Variants in KDM5A observed in about 807,000 individuals in gnomAD.
The protein encoded by KDM5A is lysine demethylase 5A.
KDM5A carries 42 observed loss-of-function variants against 193.5 expected under a neutral mutation model. The ratio of observed to expected loss-of-function variants is 0.22; its 90% CI spans 0.17 to 0.28. The LOEUF (loss-of-function observed/expected upper bound fraction) is 0.28, where lower values mean the gene tolerates loss of function less well. KDM5A is among the 10% of genes least tolerant of loss of function. KDM5A has a pLI of 1.00. For synonymous variants in KDM5A, 796 were observed against 718.1 expected (o/e 1.11, Z -1.73); for missense variants, 1,692 against 2,055.1 (o/e 0.82, Z 3.42).
rs1283524544 is a variant in KDM5A at position 352,052 on chromosome 12, C to T, written c.1149+153G>A. 2.9e-5 allele frequency among the ~76,000 whole-genome samples: 4 copies of T among 136,184 alleles called. No individual in the cohort carries two copies. The Admixed American group carries it at 3.4e-4, about 11-fold the overall frequency. 89.3% of individuals were successfully genotyped at this position (136,184 alleles called of 152,430 possible). A position where few individuals can be genotyped will look rare whatever the true frequency, so the allele number is the denominator to read the frequency against. Reference sequence around the variant, plus strand: ...CTGGGAGGCAGAGGTTGCAGTGAGCCGAGATTGTGCCACTGCACTCCAGCC... The same window carrying T: ...CTGGGAGGCAGAGGTTGCAGTGAGCTGAGATTGTGCCACTGCACTCCAGCC... On this transcript the variant is annotated intron_variant, in intron 9 of 27. Transcript: ENST00000399788.
chr12:380,955 T>C (rs1039386587), intron 3 of KDM5A, among the ~76,000 whole-genome samples: 1 of 151,434 alleles, frequency 6.6e-6, no homozygotes. Flanking sequence ...CCACCACACC[T>C]GGCTAATTTT....
intron 3 of KDM5A, among the ~76,000 whole-genome samples, chr12:368,642 G>C (rs1216550677): frequency 1.3e-5 from 2 of 152,152 alleles, no homozygotes; most frequent in African/African-American, 2.4e-5. Flanking sequence ...TGAGGAAGGA[G>C]AATCGCTTGA....
Position 284,972 on chromosome 12 carries a change from GC to G in KDM5A, c.*483del. On this transcript the variant is annotated 3_prime_UTR_variant, in exon 28 of 28. Coordinates refer to ENST00000399788, the MANE Select transcript of KDM5A (RefSeq NM_001042603.3). ...TGTTACTCCTAGTTGTATCTTTAGG[GC>G]ATTAAGTACCAGGTAACAGTGGAAG... 3.9e-6 allele frequency: 1 copy of G among 254,522 alleles called. No individual in the cohort carries two copies. Among genetic ancestry groups the G allele is most frequent in the East Asian group, 5.4e-5 (1 of 18,508 alleles). 15.8% of individuals were successfully genotyped at this position (254,522 alleles called of 1,614,324 possible). A position where few individuals can be genotyped will look rare whatever the true frequency, so the allele number is the denominator to read the frequency against.
At position 387,367 on chromosome 12, in the gene KDM5A, CT is replaced by C. The variant is rs1343238879; in HGVS notation, c.166-1394del. 8 of 217,702 alleles carry C rather than the reference CT, an allele frequency of 3.7e-5. No homozygotes were observed. In the East Asian group the frequency reaches 1.2e-3, roughly 33 times the overall value. 13.5% of individuals were successfully genotyped at this position (217,702 alleles called of 1,614,324 possible). A position where few individuals can be genotyped will look rare whatever the true frequency, so the allele number is the denominator to read the frequency against. ...TTCAGCATTTTTTTAAGTAAAAAAA[CT>C]TTTTTTAATCAAAGTAACCGTGAAT... On this transcript the variant is annotated intron_variant, in intron 1 of 27. Coordinates refer to ENST00000399788, the MANE Select transcript of KDM5A (RefSeq NM_001042603.3).
intron 25 of KDM5A, among the ~76,000 whole-genome samples, chr12:296,369 A>G (rs1943374495): frequency 2.0e-5 from 3 of 151,708 alleles, no homozygotes; most frequent in Admixed American, 6.6e-5. Flanking sequence ...ATTAATCTCT[A>G]CTGAGTCTTT....
intron 9 of KDM5A, among the ~76,000 whole-genome samples, 167 bp downstream of exon 9, chr12:352,038 A>C (rs1221623179): frequency 7.2e-6 from 1 of 139,352 alleles, no homozygotes; most frequent in Non-Finnish European, 1.5e-5. Context: ...TGGGAGGCAG[A>C]GGTTGCAGTG....
chr12:325,629 G>A (rs938722244), intron 14 of KDM5A, among the ~76,000 whole-genome samples: 1 of 152,184 alleles, frequency 6.6e-6, no homozygotes, highest in East Asian at 1.9e-4. Context: ...AGCCAAGATC[G>A]TGCCACTGCA....
At chr12:377,011 C>G (rs1944513831) in intron 3 of KDM5A, among the ~76,000 whole-genome samples, 1 of 146,072 alleles carries the variant, frequency 6.8e-6, no homozygotes, top group African/African-American at 2.5e-5. Context: ...GAGGAGTCCC[C>G]TTCCTCCCTT....
At chr12:310,207 G>A (rs115642384) in intron 21 of KDM5A, among the ~76,000 whole-genome samples, 2,056 of 152,280 alleles carry the variant, frequency 0.014, 48 homozygotes, top group African/African-American at 0.046. Context: ...CACAGGGTTA[G>A]CAATTAAGGA....
intron 1 of KDM5A, among the ~76,000 whole-genome samples, chr12:387,782 A>G (rs1053479341): frequency 6.6e-6 from 1 of 152,192 alleles, no homozygotes; most frequent in African/African-American, 2.4e-5. Flanking sequence ...AACAATCTAT[A>G]GGTGTTAAAT....
intron 3 of KDM5A, among the ~76,000 whole-genome samples, chr12:377,128 C>A (rs749611700): frequency 5.9e-5 from 9 of 152,040 alleles, no homozygotes; most frequent in Non-Finnish European, 1.3e-4. Context: ...TGTATAGAAG[C>A]ACTTAGACCT....
At chr12:374,411 T>C (rs1259403829) in intron 3 of KDM5A, among the ~76,000 whole-genome samples, 1 of 152,146 alleles carries the variant, frequency 6.6e-6, no homozygotes, top group Admixed American at 6.6e-5. Flanking sequence ...GCCTTTTTTG[T>C]TTTCCATTTG....
intron 4 of KDM5A, among the ~76,000 whole-genome samples, chr12:363,672 A>C (rs1187421429): frequency 6.6e-6 from 1 of 152,228 alleles, no homozygotes; most frequent in Non-Finnish European, 1.5e-5. Flanking sequence ...CGAAATTGTA[A>C]AATTTCTACA....
At chr12:373,830 G>T (rs138663483) in intron 3 of KDM5A, among the ~76,000 whole-genome samples, 5 of 152,092 alleles carry the variant, frequency 3.3e-5, no homozygotes, top group Admixed American at 3.3e-4. Context: ...CCTTCATTTC[G>T]TTATGTACCC....
chr12:345,833 A>T (rs1243281141), intron 10 of KDM5A, among the ~76,000 whole-genome samples: 2 of 152,240 alleles, frequency 1.3e-5, no homozygotes, highest in Non-Finnish European at 2.9e-5. Flanking sequence ...TAAAATGGAC[A>T]TCCTAACATC....
At position 285,171 on chromosome 12, in the gene KDM5A, C is replaced by T. The variant is rs1943204341; in HGVS notation, c.*285G>A. 1 of 508,652 alleles carries T rather than the reference C, an allele frequency of 2.0e-6. No homozygotes were observed. The highest frequency in any genetic ancestry group is 1.9e-5 in the African/African-American group (1 of 52,466). The allele number at this position is 508,652 out of a possible 1,614,324, so 31.5% of individuals were successfully genotyped here. A position where few individuals can be genotyped will look rare whatever the true frequency, so the allele number is the denominator to read the frequency against. On this transcript the variant is annotated 3_prime_UTR_variant, in exon 28 of 28. Coordinates refer to ENST00000399788, the MANE Select transcript of KDM5A (RefSeq NM_001042603.3). The stretch of plus-strand genomic sequence containing the variant: ...CAATGTATTAATACTAACCAGCCAC[C>T]CTAGAGCTCAATTAAGCATCTGGCC...
Position 304,645 on chromosome 12 carries a change from T to C in KDM5A, c.4074+2301A>G, listed in dbSNP as rs554406085. Among the ~76,000 whole-genome samples, 22 of 152,184 alleles carry C rather than the reference T, an allele frequency of 1.4e-4. 1 individual carries two copies. In the South Asian group the frequency reaches 4.2e-3, roughly 29 times the overall value. ...TAATCTTATTTTTCTACCCTGCCAA[T>C]ACCCACTACCAAAGAGACAGTAAGC... On this transcript the variant is annotated intron_variant, in intron 24 of 27. Coordinates refer to ENST00000399788, the MANE Select transcript of KDM5A (RefSeq NM_001042603.3).
intron 24 of KDM5A, among the ~76,000 whole-genome samples, chr12:302,754 T>A (rs912297559): frequency 1.3e-5 from 2 of 151,994 alleles, no homozygotes. Flanking sequence ...TGGGAGAAAA[T>A]TTTTGCCATC....
Position 282,105 on chromosome 12 carries a change from A to C in KDM5A, c.*3351T>G, listed in dbSNP as rs1943160964. 1 of 304,862 alleles carries C rather than the reference A, an allele frequency of 3.3e-6. No homozygotes were observed. Among genetic ancestry groups the C allele is most frequent in the East Asian group, 5.7e-5 (1 of 17,628 alleles). 18.9% of individuals were successfully genotyped at this position (304,862 alleles called of 1,614,324 possible). On this transcript the variant is annotated 3_prime_UTR_variant, in exon 28 of 28. Transcript: ENST00000399788. ...GCTAACCTTACAGCTCAGCCTGCAC[A>C]GAAGCACAGAAGCAAAGCCCAGGCA...
Sources: allele counts gnomAD v4.1 joint callset (sites outside exome capture counted in the v4.1 genomes callset), GRCh38; gene constraint gnomAD v4.1.1; transcripts MANE v1.5; gene names NCBI Gene and HGNC (gene_info 2026-07-23, HGNC 2026-07-21).